CTNNA2: variants seen among roughly 807,000 people sequenced by gnomAD.
The protein encoded by CTNNA2 is catenin alpha-2.
A neutral mutation model predicts 101.0 loss-of-function variants in CTNNA2; 42 were observed. That is an observed-to-expected ratio of 0.42 (90% CI 0.32 to 0.54). The LOEUF is 0.54. Ranked by LOEUF, CTNNA2 falls within the 20% of genes least tolerant of loss-of-function variation. The probability of loss-of-function intolerance (pLI) is 0.14; values close to 1 mark genes in which losing one functional copy is unlikely to be tolerated. For missense variants in CTNNA2, 871 were observed against 1,223.1 expected, an observed-to-expected ratio of 0.71 and a Z score of 4.29; for synonymous variants, 450 against 456.4, an observed-to-expected ratio of 0.99 and a Z score of 0.18.
intron 4 of CTNNA2, among the ~76,000 whole-genome samples, chr2:79,456,795 C>A (rs955382505): frequency 1.1e-4 from 16 of 152,180 alleles, no homozygotes; most frequent in African/African-American, 3.9e-4. Flanking sequence ...CAGAACAGAG[C>A]AATTTCATGT....
chr2:79,752,534 A>C (rs1426696185), intron 3 of CTNNA2, among the ~76,000 whole-genome samples: 1 of 152,246 alleles, frequency 6.6e-6, no homozygotes, highest in African/African-American at 2.4e-5. Context: ...ATGTTGAAAT[A>C]ATTGATGTAG....
intron 3 of CTNNA2, among the ~76,000 whole-genome samples, chr2:79,765,793 G>T (rs1673109883): frequency 6.6e-6 from 1 of 152,286 alleles, no homozygotes; most frequent in African/African-American, 2.4e-5. Context: ...TTTTTATGCA[G>T]CCTCAACACT....
At chr2:80,033,102 G>T (rs1695404442) in intron 7 of CTNNA2, among the ~76,000 whole-genome samples, 1 of 136,112 alleles carries the variant, frequency 7.3e-6, no homozygotes, top group Non-Finnish European at 1.5e-5. Context: ...AGTGAGCTGA[G>T]ATCGCACCAT....
At chr2:79,501,470 G>C (rs1671318686) in intron 4 of CTNNA2, among the ~76,000 whole-genome samples, 2 of 152,106 alleles carry the variant, frequency 1.3e-5, no homozygotes, top group Non-Finnish European at 2.9e-5. Context: ...CTTAAGGCAA[G>C]GCTCTGTAAA....
At chr2:79,672,336 C>T (rs889503941) in intron 2 of CTNNA2, among the ~76,000 whole-genome samples, 1 of 152,172 alleles carries the variant, frequency 6.6e-6, no homozygotes, top group Admixed American at 6.5e-5. Context: ...ATTACTCACT[C>T]TGATCGTTAA....
intron 7 of CTNNA2, among the ~76,000 whole-genome samples, chr2:80,078,231 G>A (rs751669316): frequency 1.6e-4 from 25 of 152,138 alleles, no homozygotes; most frequent in Non-Finnish European, 2.8e-4. Flanking sequence ...GCAAGCTGAC[G>A]AGCTTGAAAA....
At chr2:80,286,830 G>T (rs1214683521) in intron 7 of CTNNA2, among the ~76,000 whole-genome samples, 1 of 152,168 alleles carries the variant, frequency 6.6e-6, no homozygotes, top group East Asian at 1.9e-4. Context: ...TTGTCATTAT[G>T]TATGTGGATG....
intron 7 of CTNNA2, chr2:80,301,955 CT>C (rs1676362108): frequency 3.5e-6 from 1 of 284,974 alleles, no homozygotes; most frequent in Admixed American, 4.9e-5. Flanking sequence ...CTTTTTTACA[CT>C]CTCAGATTCC....
At chr2:80,223,929 C>T (rs143855676) in intron 7 of CTNNA2, among the ~76,000 whole-genome samples, 8 of 152,248 alleles carry the variant, frequency 5.3e-5, no homozygotes, top group East Asian at 1.9e-4. Context: ...ATATGCATTA[C>T]GGGTAGTAAA....
intron 7 of CTNNA2, among the ~76,000 whole-genome samples, chr2:80,060,492 T>TTCTTACCA (rs1343774511): frequency 6.6e-6 from 1 of 152,128 alleles, no homozygotes; most frequent in Non-Finnish European, 1.5e-5. Context: ...TATCTCCTAT[T>TTCTTACCA]TCTTACCATA....
At chr2:79,917,094 A>G (rs979250138) in intron 7 of CTNNA2, among the ~76,000 whole-genome samples, 3 of 150,250 alleles carry the variant, frequency 2.0e-5, no homozygotes, top group African/African-American at 4.9e-5. Flanking sequence ...TTTTTTTGAG[A>G]CGGAGTCTTG....
chr2:79,826,237 T>C (rs922456175), intron 3 of CTNNA2, among the ~76,000 whole-genome samples: 1 of 152,264 alleles, frequency 6.6e-6, no homozygotes, highest in Admixed American at 6.5e-5. Context: ...CTACATGACA[T>C]ATTTCTTCTT....
chr2:79,309,682 T>A (rs1053857860), intron 2 of CTNNA2, among the ~76,000 whole-genome samples: 1 of 152,170 alleles, frequency 6.6e-6, no homozygotes, highest in Admixed American at 6.5e-5. Context: ...AATTAGGAGA[T>A]TGGCTATCTC....
At chr2:79,968,826 C>T (rs1392611752) in intron 7 of CTNNA2, among the ~76,000 whole-genome samples, 1 of 133,314 alleles carries the variant, frequency 7.5e-6, no homozygotes, top group Non-Finnish European at 1.8e-5. Flanking sequence ...ATGGCATGAC[C>T]CTTCTTTTTT....
intron 2 of CTNNA2, among the ~76,000 whole-genome samples, chr2:79,257,314 CAG>C (rs1558589165): frequency 6.6e-6 from 1 of 151,696 alleles, no homozygotes; most frequent in Non-Finnish European, 1.5e-5. Flanking sequence ...CACCAGAAAA[CAG>C]AGAACTGAAA....
chr2:80,330,525 A>G (rs952629791), intron 7 of CTNNA2, among the ~76,000 whole-genome samples: 1 of 151,208 alleles, frequency 6.6e-6, no homozygotes, highest in Admixed American at 6.6e-5. Flanking sequence ...AATTGAAATT[A>G]ATTTAAAATA....
intron 7 of CTNNA2, among the ~76,000 whole-genome samples, chr2:80,101,926 A>G (rs566695687): frequency 6.6e-6 from 1 of 152,164 alleles, no homozygotes; most frequent in Non-Finnish European, 1.5e-5. Flanking sequence ...AACGTCCTAG[A>G]CTAGGGAAGT....
chr2:79,649,044 C>T (rs1380941528), intron 1 of CTNNA2, among the ~76,000 whole-genome samples: 1 of 152,090 alleles, frequency 6.6e-6, no homozygotes, highest in Non-Finnish European at 1.5e-5. Flanking sequence ...TAGAAGGGCT[C>T]TGTGACCTTC....
At chr2:79,742,584 C>T (rs17017777) in intron 2 of CTNNA2, among the ~76,000 whole-genome samples, 2,585 of 152,058 alleles carry the variant, frequency 0.017, 53 homozygotes, top group African/African-American at 0.059. Flanking sequence ...AGAGTAAATC[C>T]TCATTAAGGA....
Sources: gnomAD v4.1 joint callset for allele counts (sites outside exome capture counted in the v4.1 genomes callset) on GRCh38, gnomAD v4.1.1 for gene constraint, MANE v1.5 for transcripts, NCBI Gene and HGNC (gene_info 2026-07-23, HGNC 2026-07-21) for gene names.